The following NCAM2 variants were observed in gnomAD, a reference collection of about 807,000 sequenced individuals.
NCAM2 encodes neural cell adhesion molecule 2, also known as N-CAM-2.
Under a neutral mutation model 98.1 loss-of-function variants are expected in NCAM2, and 30 were observed. The ratio of observed to expected loss-of-function variants is 0.31; its 90% CI spans 0.23 to 0.41. The LOEUF (loss-of-function observed/expected upper bound fraction) is 0.41, where lower values mean the gene tolerates loss of function less well. Among genes scored for constraint, NCAM2 ranks in the 10% least tolerant of loss-of-function variants. The pLI is 1.00. For synonymous variants in NCAM2, 368 were observed against 342.4 expected (o/e 1.07, Z -0.83); for missense variants, 867 against 1,005.8 (o/e 0.86, Z 1.87).
intron 1 of NCAM2, among the ~76,000 whole-genome samples, chr21:21,224,779 C>A (rs2070314554): frequency 6.6e-6 from 1 of 152,060 alleles, no homozygotes; most frequent in Non-Finnish European, 1.5e-5. Flanking sequence ...GAACCATTGT[C>A]CATAGCATTC....
At chr21:21,533,950 T>C (rs916200647) in intron 16 of NCAM2, among the ~76,000 whole-genome samples, 1 of 151,980 alleles carries the variant, frequency 6.6e-6, no homozygotes, top group Non-Finnish European at 1.5e-5. Flanking sequence ...ACTATTTTCT[T>C]GAAAAACGTG....
intron 1 of NCAM2, among the ~76,000 whole-genome samples, chr21:21,011,343 A>G (rs935786306): frequency 6.6e-6 from 1 of 152,064 alleles, no homozygotes; most frequent in Non-Finnish European, 1.5e-5. Flanking sequence ...TCACTGATGG[A>G]AACATAGTCC....
chr21:21,333,580 A>G (rs1250033768), intron 6 of NCAM2, among the ~76,000 whole-genome samples: 1 of 152,164 alleles, frequency 6.6e-6, no homozygotes, highest in Non-Finnish European at 1.5e-5. Context: ...CTTTTTTAGA[A>G]AGAACATTGG....
intron 16 of NCAM2, among the ~76,000 whole-genome samples, chr21:21,522,936 T>G (rs1200524055): frequency 1.3e-5 from 2 of 152,178 alleles, no homozygotes; most frequent in African/African-American, 4.8e-5. Flanking sequence ...GAACAAGTTC[T>G]TCAGAGCAGA....
chr21:21,450,806 A>T (rs1469134909), intron 12 of NCAM2, among the ~76,000 whole-genome samples: 1 of 112,466 alleles, frequency 8.9e-6, no homozygotes, highest in African/African-American at 3.3e-5. Flanking sequence ...ACACACACAC[A>T]CACACACACA....
intron 16 of NCAM2, among the ~76,000 whole-genome samples, chr21:21,509,903 A>G (rs759554906): frequency 2.0e-5 from 3 of 152,154 alleles, no homozygotes; most frequent in Non-Finnish European, 2.9e-5. Flanking sequence ...GTGTGCATTA[A>G]ACACAGCAAT....
intron 5 of NCAM2, among the ~76,000 whole-genome samples, chr21:21,321,973 A>G (rs1419484241): frequency 6.6e-6 from 1 of 152,182 alleles, no homozygotes; most frequent in African/African-American, 2.4e-5. Context: ...GTAAATACCA[A>G]AAGGAAAATA....
chr21:21,505,431 A>G (rs934522364), intron 15 of NCAM2, among the ~76,000 whole-genome samples: 2 of 152,102 alleles, frequency 1.3e-5, no homozygotes, highest in Non-Finnish European at 2.9e-5. Flanking sequence ...TAAGAAATAA[A>G]TTTCTTTTGT....
chr21:21,310,019 C>G (rs2073996247), intron 5 of NCAM2, among the ~76,000 whole-genome samples: 1 of 152,068 alleles, frequency 6.6e-6, no homozygotes, highest in Admixed American at 6.6e-5. Flanking sequence ...ATATATGTTT[C>G]AGTACAGCAA....
chr21:21,453,895 T>G (rs1981721480), intron 12 of NCAM2, among the ~76,000 whole-genome samples: 1 of 152,092 alleles, frequency 6.6e-6, no homozygotes, highest in South Asian at 2.1e-4. Flanking sequence ...TTTTGTTTGT[T>G]TCTTTCTTCG....
chr21:21,373,287 A>G (rs1316524489), intron 8 of NCAM2, among the ~76,000 whole-genome samples: 3 of 152,060 alleles, frequency 2.0e-5, no homozygotes, highest in African/African-American at 7.2e-5. Flanking sequence ...AAAGCAACTT[A>G]TTCCAAGAAA....
chr21:21,361,433 T>A (rs1270793589), intron 8 of NCAM2, among the ~76,000 whole-genome samples: 1 of 152,084 alleles, frequency 6.6e-6, no homozygotes, highest in Non-Finnish European at 1.5e-5. Context: ...GTACCATGTT[T>A]TTTTTGGCTT....
At chr21:21,173,614 T>C (rs2068190192) in intron 1 of NCAM2, among the ~76,000 whole-genome samples, 1 of 152,172 alleles carries the variant, frequency 6.6e-6, no homozygotes, top group African/African-American at 2.4e-5. Flanking sequence ...CAAGAACTTA[T>C]CTCTAAAGGA....
intron 8 of NCAM2, among the ~76,000 whole-genome samples, chr21:21,365,238 C>CGTGTGTGTGTGTGTGT (rs66559489): frequency 0.03 from 4,375 of 146,948 alleles, 108 homozygotes; most frequent in Non-Finnish European, 0.047. Context: ...TTGCTTAGTG[C>CGTGTGTGTGTGTGTGT]GTGTGTGTGT....
At chr21:21,201,665 A>G (rs2069227448) in intron 1 of NCAM2, among the ~76,000 whole-genome samples, 1 of 152,140 alleles carries the variant, frequency 6.6e-6, no homozygotes, top group Non-Finnish European at 1.5e-5. Flanking sequence ...GTTAATATTC[A>G]TTGTTGTAAT....
rs545038326 is a variant in NCAM2 at position 21,324,214 on chromosome 21, C to T, written c.620-169C>T. 1.3e-4 allele frequency among the ~76,000 whole-genome samples: 20 copies of T among 151,990 alleles called. No homozygotes were observed. In the South Asian group the frequency reaches 1.5e-3, roughly 11 times the overall value. Reference sequence around the variant, plus strand: ...ATAATAAAAATAAAATAAAAAAGAACGCAGATCAGTGATAAAGTTATTTTA... The same window carrying T: ...ATAATAAAAATAAAATAAAAAAGAATGCAGATCAGTGATAAAGTTATTTTA... On this transcript the variant is annotated intron_variant, in intron 5 of 17. Transcript: ENST00000400546.
chr21:21,036,713 G>A (rs1226010310), intron 1 of NCAM2, among the ~76,000 whole-genome samples: 1 of 152,096 alleles, frequency 6.6e-6, no homozygotes, highest in Non-Finnish European at 1.5e-5. Flanking sequence ...CTGGAGGTGG[G>A]TGGCATCATA....
At chr21:21,063,370 G>T (rs749596615) in intron 1 of NCAM2, among the ~76,000 whole-genome samples, 23 of 151,516 alleles carry the variant, frequency 1.5e-4, no homozygotes, top group Non-Finnish European at 2.7e-4. Flanking sequence ...ACAGGCATGC[G>T]CCAGCACGCC....
At chr21:21,529,803 TTAAG>T (rs974436283) in intron 16 of NCAM2, among the ~76,000 whole-genome samples, 2 of 151,604 alleles carry the variant, frequency 1.3e-5, no homozygotes, top group Admixed American at 1.3e-4. Context: ...TAGTGTTTCT[TTAAG>T]TAACTAAATA....
Sources: allele counts gnomAD v4.1 joint callset (sites outside exome capture counted in the v4.1 genomes callset), GRCh38; gene constraint gnomAD v4.1.1; transcripts MANE v1.5; gene names NCBI Gene and HGNC (gene_info 2026-07-23, HGNC 2026-07-21).